The following NEDD4L variants were observed in gnomAD, a reference collection of about 807,000 sequenced individuals.
NEDD4L encodes the protein E3 ubiquitin-protein ligase NEDD4-like.
In NEDD4L, 54 loss-of-function variants were observed where a neutral mutation model predicts 148.9. The ratio of observed to expected loss-of-function variants is 0.36; its 90% CI spans 0.29 to 0.45. The LOEUF (loss-of-function observed/expected upper bound fraction) is 0.45. Ranked by LOEUF, NEDD4L falls within the 20% of genes least tolerant of loss-of-function variation. The pLI is 1.00. For synonymous variants in NEDD4L, 433 were observed against 440.7 expected (o/e 0.98, Z 0.22); for missense variants, 856 against 1,233.8 (o/e 0.69, Z 4.59).
chr18:58,138,662 A>T (rs565822638), intron 1 of NEDD4L, among the ~76,000 whole-genome samples: 1 of 152,168 alleles, frequency 6.6e-6, no homozygotes, highest in Non-Finnish European at 1.5e-5. Context: ...CCATGATCAA[A>T]GTACTGGCAT....
rs542378859 is a variant in NEDD4L, at chr18:58,114,650, C to T, written c.49-51138C>T. Among the ~76,000 whole-genome samples the T allele has an allele frequency of 1.1e-4, 15 of 141,178 alleles. No homozygotes were observed. The East Asian group carries it at 2.3e-3, about 22-fold the overall frequency. 92.6% of individuals were successfully genotyped at this position (141,178 alleles called of 152,430 possible). ...CGCAGAGCGGTGGCTGCAGACAGCA[C>T]GGATTTGCTATTATATCTCATAGTC... On this transcript the variant is annotated intron_variant, in intron 1 of 30. Coordinates refer to ENST00000400345, the MANE Select transcript of NEDD4L (RefSeq NM_001144967.3).
chr18:58,286,673 C>T (rs1600716162), intron 5 of NEDD4L, among the ~76,000 whole-genome samples: 2 of 152,236 alleles, frequency 1.3e-5, no homozygotes, highest in African/African-American at 2.4e-5. Flanking sequence ...ATGATAATCC[C>T]AGCAGCTTGA....
At chr18:58,142,089 C>G in intron 1 of NEDD4L, among the ~76,000 whole-genome samples, 1 of 139,200 alleles carries the variant, frequency 7.2e-6, no homozygotes, top group South Asian at 2.4e-4. Flanking sequence ...CTCTGTCACC[C>G]AGGCTGGAGT....
chr18:58,150,521 C>A (rs547683545), intron 1 of NEDD4L, among the ~76,000 whole-genome samples: 1 of 152,200 alleles, frequency 6.6e-6, no homozygotes. Context: ...CCACTGCACC[C>A]GGCCGTTTTT....
At chr18:58,163,740 G>A (rs2036508451) in intron 1 of NEDD4L, among the ~76,000 whole-genome samples, 1 of 152,214 alleles carries the variant, frequency 6.6e-6, no homozygotes, top group South Asian at 2.1e-4. Flanking sequence ...TTGGGGATAC[G>A]TGGTTGGATG....
intron 30 of NEDD4L, among the ~76,000 whole-genome samples, chr18:58,394,741 TGTTAA>T (rs2050264954): frequency 6.6e-6 from 1 of 152,256 alleles, no homozygotes; most frequent in Admixed American, 6.5e-5. Context: ...ATTTAGTGGT[TGTTAA>T]ACGGCCCTCT....
intron 5 of NEDD4L, among the ~76,000 whole-genome samples, chr18:58,301,139 A>G (rs1041046251): frequency 1.3e-5 from 2 of 152,136 alleles, no homozygotes; most frequent in African/African-American, 4.8e-5. Flanking sequence ...CCTTTAAACT[A>G]TGGAAGAGCT....
intron 5 of NEDD4L, among the ~76,000 whole-genome samples, chr18:58,312,597 T>A (rs1404212683): frequency 6.6e-6 from 1 of 152,164 alleles, no homozygotes; most frequent in African/African-American, 2.4e-5. Flanking sequence ...ACATGCCTGC[T>A]CCTCCCTGTG....
chr18:58,107,034 A>G (rs508623), intron 1 of NEDD4L, among the ~76,000 whole-genome samples: 10,820 of 152,246 alleles, frequency 0.071, 495 homozygotes, highest in African/African-American at 0.12. Context: ...GTTGACAGGC[A>G]TGGGTTCTTC....
chr18:58,259,464 T>C (rs1211506332), intron 5 of NEDD4L, among the ~76,000 whole-genome samples: 1 of 152,248 alleles, frequency 6.6e-6, no homozygotes, highest in Admixed American at 6.5e-5. Context: ...TCTGAGCCTC[T>C]TAACTGCATT....
chr18:58,122,857 C>T (rs1203013480), intron 1 of NEDD4L, among the ~76,000 whole-genome samples: 2 of 151,944 alleles, frequency 1.3e-5, no homozygotes, highest in East Asian at 3.9e-4. Context: ...TGCCTCAGCC[C>T]CCTGAGTAGG....
intron 5 of NEDD4L, among the ~76,000 whole-genome samples, chr18:58,293,656 G>C (rs1486998009): frequency 6.6e-6 from 1 of 152,096 alleles, no homozygotes; most frequent in Non-Finnish European, 1.5e-5. Context: ...GATTACCTTT[G>C]ACTCATATGT....
At chr18:58,333,650 A>T (rs577377811) in intron 11 of NEDD4L, among the ~76,000 whole-genome samples, 168 bp from the exon 12 acceptor site, 1 of 152,326 alleles carries the variant, frequency 6.6e-6, no homozygotes, top group South Asian at 2.1e-4. Flanking sequence ...AAAGTGAAAG[A>T]TAACTTTTTC....
intron 5 of NEDD4L, among the ~76,000 whole-genome samples, chr18:58,267,278 A>C (rs1309053909): frequency 2.6e-5 from 4 of 152,044 alleles, no homozygotes; most frequent in Non-Finnish European, 5.9e-5. Flanking sequence ...TTGGATCTTA[A>C]TTTACAGTTT....
chr18:58,176,991 G>C (rs548227569), intron 2 of NEDD4L, among the ~76,000 whole-genome samples: 1 of 152,122 alleles, frequency 6.6e-6, no homozygotes, highest in South Asian at 2.1e-4. Context: ...TGCTGGGGTC[G>C]CATTTTGACA....
chr18:58,074,949 G>A (rs2083083371), intron 1 of NEDD4L, among the ~76,000 whole-genome samples: 2 of 152,148 alleles, frequency 1.3e-5, no homozygotes, highest in African/African-American at 4.8e-5. Flanking sequence ...TCAGGAGTGT[G>A]GAGTGTGAGA....
chr18:58,146,143 T>C (rs1482944052), intron 1 of NEDD4L, among the ~76,000 whole-genome samples: 1 of 152,208 alleles, frequency 6.6e-6, no homozygotes, highest in Admixed American at 6.5e-5. Context: ...ATTGAATCAG[T>C]GCTGGGTTCT....
intron 1 of NEDD4L, among the ~76,000 whole-genome samples, chr18:58,108,028 CT>C (rs1321016590): frequency 6.6e-6 from 1 of 152,122 alleles, no homozygotes. Flanking sequence ...CTGGAAAGGA[CT>C]TTTTGTGCGG....
chr18:58,362,176 C>T (rs1241889483), intron 19 of NEDD4L, among the ~76,000 whole-genome samples: 5 of 152,242 alleles, frequency 3.3e-5, no homozygotes, highest in Non-Finnish European at 7.3e-5. Flanking sequence ...GAACGGGCAT[C>T]ATAGGCTGGG....
Sources: allele counts gnomAD v4.1 joint callset (sites outside exome capture counted in the v4.1 genomes callset), GRCh38; gene constraint gnomAD v4.1.1; transcripts MANE v1.5; gene names NCBI Gene and HGNC (gene_info 2026-07-23, HGNC 2026-07-21).